Variants in FHIP2A observed in about 807,000 individuals in gnomAD.
FHIP2A encodes the protein family with sequence similarity 160 member B1.
In FHIP2A, 46 loss-of-function variants were observed where a neutral mutation model predicts 93.5. The ratio of observed to expected loss-of-function variants is 0.49; its 90% CI spans 0.39 to 0.63. The LOEUF is 0.63. Among genes scored for constraint, FHIP2A ranks in the 20% least tolerant of loss-of-function variants. The probability of loss-of-function intolerance (pLI) is 0.00; values close to 1 mark genes in which losing one functional copy is unlikely to be tolerated. For synonymous variants in FHIP2A, 332 were observed against 326.5 expected, an observed-to-expected ratio of 1.02 and a Z score of -0.18; for missense variants, 769 against 909.7, an observed-to-expected ratio of 0.85 and a Z score of 1.99.
chr10:114,846,702 A>C lies in FHIP2A; in HGVS notation c.1542A>C (p.Val514=). The C allele has an allele frequency of 6.2e-7, 1 of 1,604,490 alleles. No individual in the cohort carries two copies. Among genetic ancestry groups the C allele is most frequent in the Non-Finnish European group, 8.5e-7 (1 of 1,177,668 alleles). The change falls in exon 11 of 17, where the codon GTA becomes GTC. Residue 514 remains valine (V), a synonymous_variant. Transcript: ENST00000369248. ...TGTGCCCAGAAGATAAAGATGTGGT[A>C]GAAAATGGATTGATAGCAGGAGCAG... ...KPLCPEDKDV[V]ENGLIAGAVD...
chr10:114,897,071 C>T (rs2084004824), intron 16 of FHIP2A, among the ~76,000 whole-genome samples: 1 of 152,380 alleles, frequency 6.6e-6, no homozygotes, highest in Non-Finnish European at 1.5e-5. Flanking sequence ...ATGTTCTTAG[C>T]TCCCACAATT....
Position 114,861,750 on chromosome 10 carries a change from A to G in FHIP2A, c.*210A>G, listed in dbSNP as rs992805108. ...TCATTGGCTTTATCATAATGGTTCTATATATACAATTGCACATTGTTGAAT... is the reference window on the plus strand; with the variant it reads ...TCATTGGCTTTATCATAATGGTTCTGTATATACAATTGCACATTGTTGAAT... On this transcript the variant is annotated 3_prime_UTR_variant, in exon 17 of 17. Coordinates refer to ENST00000369248, the MANE Select transcript of FHIP2A (RefSeq NM_020940.4). 3.9e-6 allele frequency: 5 copies of G among 1,290,940 alleles called. No homozygotes were observed. The highest frequency in any genetic ancestry group is 6.8e-5 in the East Asian group (2 of 29,444). The allele number at this position is 1,290,940 out of a possible 1,614,324, so 80.0% of individuals were successfully genotyped here. A position where few individuals can be genotyped will look rare whatever the true frequency, so the allele number is the denominator to read the frequency against.
rs562300915 is a variant in FHIP2A, at chr10:114,881,878, C to T, written c.2193-17612C>T. On this transcript the variant is annotated intron_variant, in intron 16 of 16. Transcript: ENST00000369250. ...TTATTTGTAAGCCCAGGTGGTTCAT[C>T]CATTTCCAAGACAGTCAAGACCTGG... 1.5e-4 allele frequency among the ~76,000 whole-genome samples: 23 copies of T among 152,358 alleles called. No homozygotes were observed. The South Asian group carries it at 4.3e-3, about 29-fold the overall frequency.
chr10:114,845,589 A>G (rs1278276387), intron 8 of FHIP2A, 108 bp downstream of exon 8: 1 of 678,858 alleles, frequency 1.5e-6, no homozygotes, highest in African/African-American at 1.8e-5. Flanking sequence ...GTCTTAGAAT[A>G]CCATGGTTAG....
At chr10:114,823,410 TGAAA>T (rs1197603991) in intron 1 of FHIP2A, among the ~76,000 whole-genome samples, 3 of 152,212 alleles carry the variant, frequency 2.0e-5, no homozygotes, top group African/African-American at 7.2e-5. Flanking sequence ...CTACTTTTGT[TGAAA>T]GAATTTAACT....
Position 114,864,158 on chromosome 10 carries a change from C to T in FHIP2A, c.*2618C>T. 1.0e-6 allele frequency: 1 copy of T among 981,856 alleles called. No homozygotes were observed. The highest frequency in any genetic ancestry group is 4.7e-5 in the South Asian group (1 of 21,202). The allele number at this position is 981,856 out of a possible 1,614,324, so 60.8% of individuals were successfully genotyped here. On this transcript the variant is annotated 3_prime_UTR_variant, in exon 17 of 17. Transcript: ENST00000369248. ...AGGACCAAAATTCTTAGCTCGCTTA[C>T]ACTGTTGCTAGTGTAAACATTGTTA...
intron 13 of FHIP2A, among the ~76,000 whole-genome samples, chr10:114,849,715 T>C (rs944155699): frequency 6.6e-6 from 1 of 152,200 alleles, no homozygotes; most frequent in African/African-American, 2.4e-5. Context: ...GCCAGAAGAT[T>C]GCTATCACCC....
At chr10:114,834,229 CTAATT>C (rs1320661270) in intron 3 of FHIP2A, among the ~76,000 whole-genome samples, 1 of 152,204 alleles carries the variant, frequency 6.6e-6, no homozygotes, top group Non-Finnish European at 1.5e-5. Flanking sequence ...CTGTAATACT[CTAATT>C]TACTTTTAAG....
intron 16 of FHIP2A, among the ~76,000 whole-genome samples, chr10:114,879,680 G>A (rs1043159927): frequency 2.6e-5 from 4 of 152,072 alleles, no homozygotes; most frequent in African/African-American, 7.2e-5. Flanking sequence ...GCAGAGGGAC[G>A]GGTTTACTTT....
intron 16 of FHIP2A, chr10:114,899,373 C>T (rs1396020672): frequency 1.5e-6 from 1 of 666,070 alleles, no homozygotes; most frequent in Admixed American, 2.4e-5. Flanking sequence ...TATTGGTTTA[C>T]ATAGTTGAAA....
chr10:114,890,956 G>C (rs1045447698), intron 16 of FHIP2A, among the ~76,000 whole-genome samples: 1 of 151,326 alleles, frequency 6.6e-6, no homozygotes, highest in South Asian at 2.1e-4. Flanking sequence ...GCACTTTGGG[G>C]AGCCAAGATG....
intron 13 of FHIP2A, among the ~76,000 whole-genome samples, chr10:114,853,734 C>T (rs1043728983): frequency 1.3e-5 from 2 of 152,170 alleles, no homozygotes; most frequent in African/African-American, 4.8e-5. Flanking sequence ...CGCGGTGGCT[C>T]ATGCCTGTAA....
At chr10:114,843,258 A>G in intron 6 of FHIP2A, 32 bp downstream of exon 6, 1 of 1,386,172 alleles carries the variant, frequency 7.2e-7, no homozygotes. Flanking sequence ...TTCCCCCCTA[A>G]CATTATTTCA....
intron 16 of FHIP2A, among the ~76,000 whole-genome samples, chr10:114,870,606 C>T (rs1244193513): frequency 2.0e-5 from 3 of 152,054 alleles, no homozygotes; most frequent in Non-Finnish European, 4.4e-5. Flanking sequence ...GGTCTGAGGT[C>T]CAAAATGTAT....
At chr10:114,898,360 G>A (rs759124342) in intron 16 of FHIP2A, among the ~76,000 whole-genome samples, 3 of 152,136 alleles carry the variant, frequency 2.0e-5, no homozygotes, top group Non-Finnish European at 4.4e-5. Flanking sequence ...ATATAGAATG[G>A]CCAGGGACAT....
intron 16 of FHIP2A, among the ~76,000 whole-genome samples, chr10:114,870,998 A>G (rs2083856619): frequency 6.6e-6 from 1 of 151,238 alleles, no homozygotes; most frequent in African/African-American, 2.4e-5. Context: ...ATGGGTCCAT[A>G]GCAATTGATT....
chr10:114,830,742 C>A (rs992135007), intron 1 of FHIP2A, 110 bp from the exon 2 acceptor site: 63 of 563,338 alleles, frequency 1.1e-4, no homozygotes, highest in Non-Finnish European at 3.7e-5. Context: ...ACAAAGTTCA[C>A]CCCTTATTTT....
At chr10:114,890,447 A>G (rs1012372160) in intron 16 of FHIP2A, among the ~76,000 whole-genome samples, 8 of 149,226 alleles carry the variant, frequency 5.4e-5, no homozygotes, top group African/African-American at 2.0e-4. Flanking sequence ...GTGTGTGTAT[A>G]CACACACATA....
chr10:114,882,698 C>T (rs1026598543), intron 16 of FHIP2A, among the ~76,000 whole-genome samples: 1 of 152,088 alleles, frequency 6.6e-6, no homozygotes, highest in Non-Finnish European at 1.5e-5. Context: ...CATGGTGAAA[C>T]CCCGTCTCTA....
Sources: allele counts gnomAD v4.1 joint callset (sites outside exome capture counted in the v4.1 genomes callset), GRCh38; gene constraint gnomAD v4.1.1; transcripts MANE v1.5; gene names NCBI Gene and HGNC (gene_info 2026-07-23, HGNC 2026-07-21).